Variants in PDLIM5 observed in about 807,000 individuals in gnomAD.
The protein encoded by PDLIM5 is PDZ and LIM domain 5.
In PDLIM5, 34 loss-of-function variants were observed where a neutral mutation model predicts 64.2. The ratio of observed to expected loss-of-function variants is 0.53; its 90% CI spans 0.40 to 0.71. The LOEUF (loss-of-function observed/expected upper bound fraction) is 0.71. Ranked by LOEUF, PDLIM5 falls within the 30% of genes least tolerant of loss-of-function variation. The pLI is 0.00. For synonymous variants in PDLIM5, 253 were observed against 269.1 expected (o/e 0.94, Z 0.59); for missense variants, 683 against 733.6 (o/e 0.93, Z 0.80).
At chr4:94,652,181 G>A (rs1741894036) in intron 9 of PDLIM5, among the ~76,000 whole-genome samples, 1 of 152,202 alleles carries the variant, frequency 6.6e-6, no homozygotes, top group Admixed American at 6.6e-5. Flanking sequence ...TTAACAGAAT[G>A]CAGTTTGAAG....
intron 9 of PDLIM5, among the ~76,000 whole-genome samples, chr4:94,645,309 A>G (rs1242672229): frequency 6.6e-6 from 1 of 152,074 alleles, no homozygotes; most frequent in Non-Finnish European, 1.5e-5. Context: ...TTCTTTATCC[A>G]TTGATTGATG....
chr4:94,538,130 T>C (rs1306405528), intron 3 of PDLIM5, among the ~76,000 whole-genome samples: 2 of 152,224 alleles, frequency 1.3e-5, no homozygotes, highest in Non-Finnish European at 2.9e-5. Context: ...ATTTTTGCTT[T>C]ATTAGTACCT....
Position 94,516,508 on chromosome 4 carries a change from G to GTC in PDLIM5, c.97-7192_97-7191dup, listed in dbSNP as rs3838638. On this transcript the variant is annotated intron_variant, in intron 2 of 12. Coordinates refer to ENST00000317968, the MANE Select transcript of PDLIM5 (RefSeq NM_006457.5). ...AGAAAAAGGTAATAAATCCAAAGCA[G>GTC]TCTCTCTCTCTCTCTCTCTCTCTCT... Among the ~76,000 whole-genome samples, 906 of 149,936 alleles carry GTC rather than the reference G, an allele frequency of 6.0e-3. 19 individuals are homozygous for GTC. Among genetic ancestry groups the GTC allele is most frequent in the Admixed American group, 0.037 (550 of 15,062 alleles).
intron 3 of PDLIM5, among the ~76,000 whole-genome samples, chr4:94,531,220 A>G (rs1473626596): frequency 6.6e-6 from 1 of 152,088 alleles, no homozygotes; most frequent in Non-Finnish European, 1.5e-5. Flanking sequence ...TTGGAGGATG[A>G]CAGTTTTTCA....
At chr4:94,610,308 G>T (rs2110373821) in intron 7 of PDLIM5, 1 of 1,506,204 alleles carries the variant, frequency 6.6e-7, no homozygotes, top group Non-Finnish European at 8.8e-7. Flanking sequence ...AAACCAGGTA[G>T]AACTACACGT....
At chr4:94,483,030 G>C (rs1336008654) in intron 2 of PDLIM5, among the ~76,000 whole-genome samples, 1 of 152,194 alleles carries the variant, frequency 6.6e-6, no homozygotes, top group Non-Finnish European at 1.5e-5. Flanking sequence ...AACTCTGAAA[G>C]TATCTAAATT....
intron 2 of PDLIM5, among the ~76,000 whole-genome samples, chr4:94,458,507 G>T (rs1485301713): frequency 6.6e-6 from 1 of 151,760 alleles, no homozygotes; most frequent in Admixed American, 6.6e-5. Flanking sequence ...TAAACTTATT[G>T]TCCACTGAAA....
chr4:94,565,413 A>G (rs890601654), intron 3 of PDLIM5, among the ~76,000 whole-genome samples: 2 of 152,226 alleles, frequency 1.3e-5, no homozygotes, highest in Non-Finnish European at 2.9e-5. Flanking sequence ...CATGCTCAGT[A>G]TGCAGCCCCC....
chr4:94,540,699 A>G (rs1259574851), intron 3 of PDLIM5, among the ~76,000 whole-genome samples: 1 of 152,142 alleles, frequency 6.6e-6, no homozygotes, highest in Non-Finnish European at 1.5e-5. Flanking sequence ...AGCTGTGCTG[A>G]TCCATGTCTT....
In PDLIM5 at chr4:94,665,923, G is replaced by C; in HGVS notation, c.*1856G>C. The C allele has an allele frequency of 6.7e-7, 1 of 1,502,726 alleles. No homozygotes were observed. Among genetic ancestry groups the C allele is most frequent in the Non-Finnish European group, 8.8e-7 (1 of 1,133,392 alleles). 93.1% of individuals were successfully genotyped at this position (1,502,726 alleles called of 1,614,324 possible). ...AAAAGAATTATGTAGATACCACATG[G>C]AGACAGGGAAACAATTGTGGTAAAA... On this transcript the variant is annotated 3_prime_UTR_variant, in exon 13 of 13. Transcript: ENST00000317968.
chr4:94,654,232 T>C (rs1005849734), intron 9 of PDLIM5, among the ~76,000 whole-genome samples: 3 of 152,130 alleles, frequency 2.0e-5, no homozygotes, highest in African/African-American at 7.2e-5. Flanking sequence ...GGGTGGGGAG[T>C]GCCCTTTCTT....
chr4:94,627,086 C>T (rs372294835), intron 8 of PDLIM5, among the ~76,000 whole-genome samples: 49 of 152,230 alleles, frequency 3.2e-4, no homozygotes, highest in East Asian at 1.7e-3. Context: ...CTACCAGTTG[C>T]GTATATTTCA....
Position 94,605,429 on chromosome 4 carries a change from A to G in PDLIM5, c.921-12575A>G, listed in dbSNP as rs551939867. On this transcript the variant is annotated intron_variant, in intron 7 of 12. Transcript: ENST00000317968. ...AAGCAAGCCAAAAGGGAAAGACTTTATCTGGGAAAGAGGAAGTCTTCATAA... is the reference window on the plus strand; with the variant it reads ...AAGCAAGCCAAAAGGGAAAGACTTTGTCTGGGAAAGAGGAAGTCTTCATAA... Among the ~76,000 whole-genome samples, 6 of 152,348 alleles carry G rather than the reference A, an allele frequency of 3.9e-5. No individual in the cohort carries two copies. In the South Asian group the frequency reaches 1.0e-3, roughly 26 times the overall value.
chr4:94,573,547 G>A, intron 4 of PDLIM5, 154 bp downstream of exon 4: 1 of 762,566 alleles, frequency 1.3e-6, no homozygotes, highest in Non-Finnish European at 2.4e-6. Context: ...GATGAGTAGG[G>A]AAATGGAGAT....
intron 2 of PDLIM5, among the ~76,000 whole-genome samples, chr4:94,501,965 G>A (rs1255307083): frequency 6.6e-6 from 1 of 152,208 alleles, no homozygotes; most frequent in Non-Finnish European, 1.5e-5. Context: ...TAGGAGAACT[G>A]CAGAGATTTA....
At chr4:94,509,902 A>G (rs1488145015) in intron 2 of PDLIM5, among the ~76,000 whole-genome samples, 6 of 152,126 alleles carry the variant, frequency 3.9e-5, no homozygotes, top group African/African-American at 1.4e-4. Flanking sequence ...CTCAAATGTT[A>G]ATCTCCTTTG....
intron 9 of PDLIM5, among the ~76,000 whole-genome samples, chr4:94,648,413 A>G (rs894869859): frequency 6.6e-6 from 1 of 152,132 alleles, no homozygotes; most frequent in Admixed American, 6.5e-5. Context: ...TCCACCTCCC[A>G]GGTTCAAGGG....
chr4:94,565,566 C>T (rs1578387144), intron 3 of PDLIM5, among the ~76,000 whole-genome samples: 1 of 152,258 alleles, frequency 6.6e-6, no homozygotes, highest in East Asian at 1.9e-4. Context: ...GATGTGGTAT[C>T]TTGGGATCTG....
At chr4:94,526,578 CAG>C (rs995638667) in intron 3 of PDLIM5, among the ~76,000 whole-genome samples, 2 of 152,094 alleles carry the variant, frequency 1.3e-5, no homozygotes, top group African/African-American at 4.8e-5. Flanking sequence ...ATAACATTGA[CAG>C]TGCTACTGAA....
Sources: gnomAD v4.1 joint callset for allele counts (sites outside exome capture counted in the v4.1 genomes callset) on GRCh38, gnomAD v4.1.1 for gene constraint, MANE v1.5 for transcripts, NCBI Gene and HGNC (gene_info 2026-07-23, HGNC 2026-07-21) for gene names.